The following GPD1L variants were observed in gnomAD, a reference collection of about 807,000 sequenced individuals.
GPD1L encodes glycerol-3-phosphate dehydrogenase 1-like protein.
Under a neutral mutation model 32.9 loss-of-function variants are expected in GPD1L, and 17 were observed. The observed-to-expected ratio is 0.52, with a 90% CI of 0.35 to 0.78. The LOEUF is 0.78. GPD1L is among the 30% of genes least tolerant of loss of function. The probability of loss-of-function intolerance (pLI) is 0.01; values close to 1 mark genes in which losing one functional copy is unlikely to be tolerated. For synonymous variants in GPD1L, 187 were observed against 165.9 expected (o/e 1.13, Z -0.98); for missense variants, 361 against 447.8 (o/e 0.81, Z 1.75).
chr3:32,123,178 A>G (rs1037491883), intron 1 of GPD1L, among the ~76,000 whole-genome samples: 6 of 152,202 alleles, frequency 3.9e-5, no homozygotes, highest in South Asian at 2.1e-4. Flanking sequence ...CTGAGATTCC[A>G]GGTGGAAGCC....
rs72546657 is a variant in GPD1L at position 32,140,200 on chromosome 3, C to T, written c.367-28C>T. 1.1e-3 allele frequency: 1,757 copies of T among 1,613,346 alleles called. 16 individuals carry two copies. The African/African-American group carries it at 0.021, about 19-fold the overall frequency. On this transcript the variant is annotated intron_variant, in intron 3 of 7. Transcript: ENST00000282541. ...TGCCTCTTTGATTTGGCGGTTTGTTCTCTCCTAACTTCTTGGCATCCTTGT... is the reference window on the plus strand; with the variant it reads ...TGCCTCTTTGATTTGGCGGTTTGTTTTCTCCTAACTTCTTGGCATCCTTGT...
At chr3:32,134,781 C>G (rs1331066999) in intron 2 of GPD1L, among the ~76,000 whole-genome samples, 1 of 152,210 alleles carries the variant, frequency 6.6e-6, no homozygotes, top group African/African-American at 2.4e-5. Context: ...AGCCACTGAG[C>G]CTGGCTGGGG....
chr3:32,106,919 G>A lies in GPD1L; in HGVS notation c.47+161G>A. On this transcript the variant is annotated intron_variant, in intron 1 of 7. Coordinates refer to ENST00000282541, the MANE Select transcript of GPD1L (RefSeq NM_015141.4). This position sits in a 1 kb window ranked among gnomAD's most constrained non-coding sequence, Gnocchi z 4.0. ...GCTGGGCTGGGCACCGTGCGCCCGAGGAGGCCGCACCGGGGCACTCGCTCG... is the reference window on the plus strand; with the variant it reads ...GCTGGGCTGGGCACCGTGCGCCCGAAGAGGCCGCACCGGGGCACTCGCTCG... 1 of 552,812 alleles carries A rather than the reference G, an allele frequency of 1.8e-6. No homozygotes were observed. Among genetic ancestry groups the A allele is most frequent in the Non-Finnish European group, 2.7e-6 (1 of 367,212 alleles). The allele number at this position is 552,812 out of a possible 1,614,324, so 34.2% of individuals were successfully genotyped here.
At chr3:32,147,212 CAA>C (rs34918632) in intron 5 of GPD1L, among the ~76,000 whole-genome samples, 77,087 of 151,834 alleles carry the variant, frequency 0.51, 21,930 homozygotes, top group East Asian at 0.89. Flanking sequence ...TCTTTGCCCT[CAA>C]GAGAGAGAAG....
At chr3:32,112,167 C>G (rs915776618) in intron 1 of GPD1L, among the ~76,000 whole-genome samples, 1 of 152,058 alleles carries the variant, frequency 6.6e-6, no homozygotes, top group African/African-American at 2.4e-5. Context: ...TCATCTCCCC[C>G]ACCTGTTTGG....
intron 1 of GPD1L, among the ~76,000 whole-genome samples, chr3:32,107,557 C>T (rs769851499): frequency 3.9e-5 from 6 of 152,112 alleles, no homozygotes; most frequent in Non-Finnish European, 7.3e-5. Flanking sequence ...TGTTTCCAAG[C>T]CTTTTTTCAT....
chr3:32,110,127 C>T (rs1244573323), intron 1 of GPD1L, among the ~76,000 whole-genome samples: 1 of 152,218 alleles, frequency 6.6e-6, no homozygotes, highest in Non-Finnish European at 1.5e-5. Context: ...ACTGTGTTAG[C>T]TAGGATGGTC....
At chr3:32,128,024 C>G in intron 1 of GPD1L, 52 bp from the exon 2 acceptor site, 1 of 1,276,076 alleles carries the variant, frequency 7.8e-7, no homozygotes, top group Admixed American at 1.7e-5. Flanking sequence ...AACGCTTTTT[C>G]TCTCCCGCCC....
chr3:32,134,055 C>T (rs1028344143), intron 2 of GPD1L, among the ~76,000 whole-genome samples: 1 of 152,166 alleles, frequency 6.6e-6, no homozygotes, highest in Non-Finnish European at 1.5e-5. Context: ...TTTTGCTTCC[C>T]AGCATATTTC....
chr3:32,153,633 A>G, intron 5 of GPD1L, among the ~76,000 whole-genome samples: 1 of 152,186 alleles, frequency 6.6e-6, no homozygotes, highest in East Asian at 1.9e-4. Flanking sequence ...AACCCTGCAG[A>G]CAGTCTCCTC....
At chr3:32,150,874 G>A (rs1048920974) in intron 5 of GPD1L, among the ~76,000 whole-genome samples, 1 of 152,116 alleles carries the variant, frequency 6.6e-6, no homozygotes, top group African/African-American at 2.4e-5. Context: ...AAGACTGCTT[G>A]AGTCCACGAG....
At chr3:32,119,690 C>T (rs762567281) in intron 1 of GPD1L, among the ~76,000 whole-genome samples, 16 of 152,108 alleles carry the variant, frequency 1.1e-4, no homozygotes, top group Non-Finnish European at 2.2e-4. Context: ...AGTGGTTCTC[C>T]CTGGGTGGTG....
intron 2 of GPD1L, among the ~76,000 whole-genome samples, chr3:32,131,960 C>T (rs1477846364): frequency 6.6e-6 from 1 of 152,168 alleles, no homozygotes; most frequent in Non-Finnish European, 1.5e-5. Context: ...TTTCATTTGC[C>T]TGATGGCTAA....
intron 2 of GPD1L, among the ~76,000 whole-genome samples, chr3:32,132,288 A>T (rs1178878374): frequency 6.6e-6 from 1 of 152,194 alleles, no homozygotes; most frequent in Non-Finnish European, 1.5e-5. Flanking sequence ...TCTCCTCAGC[A>T]CCTGGAATAG....
intron 2 of GPD1L, among the ~76,000 whole-genome samples, chr3:32,131,178 A>T (rs553330047): frequency 2.6e-5 from 4 of 152,270 alleles, no homozygotes; most frequent in African/African-American, 9.6e-5. Context: ...TCAGCCAGTG[A>T]CACCAGGATT....
At chr3:32,120,956 G>A (rs1356602022) in intron 1 of GPD1L, among the ~76,000 whole-genome samples, 1 of 152,104 alleles carries the variant, frequency 6.6e-6, no homozygotes, top group Non-Finnish European at 1.5e-5. Context: ...GGAGGGCATT[G>A]CCAAGCTGGG....
chr3:32,144,813 G>A lies in GPD1L; in HGVS notation c.506-1809G>A, dbSNP rs549254601. ...TGATTCTAATGCCTCAGCCTCCTGA[G>A]TAGCTGGGAACACACACACACACAC... On this transcript the variant is annotated intron_variant, in intron 4 of 7. Coordinates refer to ENST00000282541, the MANE Select transcript of GPD1L (RefSeq NM_015141.4). 8.9e-4 allele frequency among the ~76,000 whole-genome samples: 129 copies of A among 145,472 alleles called. 1 individual carries two copies. Among genetic ancestry groups the A allele is most frequent in the African/African-American group, 3.1e-3 (122 of 39,296 alleles).
intron 4 of GPD1L, among the ~76,000 whole-genome samples, chr3:32,142,956 C>T (rs552770018): frequency 2.0e-5 from 3 of 151,942 alleles, no homozygotes; most frequent in South Asian, 2.1e-4. Context: ...AGCCGAGGAT[C>T]TTCTGAGGCC....
intron 1 of GPD1L, among the ~76,000 whole-genome samples, chr3:32,122,004 C>T (rs577731274): frequency 2.0e-5 from 3 of 151,998 alleles, no homozygotes; most frequent in African/African-American, 4.8e-5. Context: ...CTCCTGACCT[C>T]GTGATCTGCC....
Sources: gnomAD v4.1 joint callset for allele counts (sites outside exome capture counted in the v4.1 genomes callset) on GRCh38, gnomAD v4.1.1 for gene constraint, Gnocchi (gnomAD v3.1) non-coding constraint, MANE v1.5 for transcripts, NCBI Gene and HGNC (gene_info 2026-07-23, HGNC 2026-07-21) for gene names.